The following COLEC12 variants were observed in gnomAD, a reference collection of about 807,000 sequenced individuals.
The protein encoded by COLEC12 is collectin subfamily member 12.
In COLEC12, 33 loss-of-function variants were observed where a neutral mutation model predicts 71.1. The observed-to-expected ratio is 0.46, with a 90% CI of 0.35 to 0.62. COLEC12 has a LOEUF of 0.62. Ranked by LOEUF, COLEC12 falls within the 20% of genes least tolerant of loss-of-function variation. COLEC12 has a pLI of 0.00. For missense variants in COLEC12, 765 were observed against 916.1 expected (o/e 0.84, Z 2.13); for synonymous variants, 350 against 353.0 (o/e 0.99, Z 0.10).
rs572087234 is a variant in COLEC12 at position 438,073 on chromosome 18, G to A, written c.58+42634C>T. On this transcript the variant is annotated intron_variant, in intron 2 of 9. Coordinates refer to ENST00000400256, the MANE Select transcript of COLEC12 (RefSeq NM_130386.3). Reference sequence around the variant, plus strand: ...TAACCTATAAAAAATTATAAAAGGAGTAAGATGACTATGTGCTAGGTTGTA... The same window carrying A: ...TAACCTATAAAAAATTATAAAAGGAATAAGATGACTATGTGCTAGGTTGTA... Among the ~76,000 whole-genome samples the A allele has an allele frequency of 5.3e-5, 8 of 152,288 alleles. No individual in the cohort carries two copies. The East Asian group carries it at 1.5e-3, about 29-fold the overall frequency.
chr18:426,031 G>T (rs1916192564), intron 2 of COLEC12, among the ~76,000 whole-genome samples: 1 of 152,158 alleles, frequency 6.6e-6, no homozygotes, highest in East Asian at 1.9e-4. Flanking sequence ...TTACAGCTAA[G>T]AAAACAGAGG....
intron 9 of COLEC12, 54 bp downstream of exon 9, chr18:321,608 C>G: frequency 1.2e-6 from 2 of 1,605,476 alleles, no homozygotes; most frequent in Non-Finnish European, 1.7e-6. Context: ...CACCCCTCAC[C>G]CTTTCATAGG....
intron 8 of COLEC12, among the ~76,000 whole-genome samples, chr18:323,413 A>G (rs1410603532): frequency 6.6e-6 from 1 of 152,222 alleles, no homozygotes; most frequent in Non-Finnish European, 1.5e-5. Context: ...TGAGCCAGGT[A>G]TCATCTGGGT....
chr18:346,480 T>C lies in COLEC12; in HGVS notation c.1142A>G (p.Asp381Gly). ...CAGGGTATTATTCAAGGAGGTCAGA[T>C]CATCTGTGTGTTTGGTAAGGGTATC... ...CTDTLTKHTD[D>G]LTSLNNTLAN... The change falls in exon 5 of 10, where the codon GAT becomes GGT. Residue 381 changes from aspartate to glycine, a missense_variant. Transcript: ENST00000400256. This position sits in a 1 kb window ranked among gnomAD's most constrained non-coding sequence, Gnocchi z 4.0. 6.2e-7 allele frequency: 1 copy of C among 1,614,182 alleles called. No individual in the cohort carries two copies. The highest frequency in any genetic ancestry group is 1.3e-5 in the African/African-American group (1 of 75,042).
At chr18:330,807 C>T (rs958780421) in intron 8 of COLEC12, among the ~76,000 whole-genome samples, 2 of 151,890 alleles carry the variant, frequency 1.3e-5, no homozygotes, top group Non-Finnish European at 2.9e-5. Flanking sequence ...GATGGTTATC[C>T]CGCAAATGCA....
intron 2 of COLEC12, among the ~76,000 whole-genome samples, chr18:389,427 C>T (rs1465607979): frequency 3.3e-5 from 5 of 151,722 alleles, no homozygotes; most frequent in African/African-American, 7.3e-5. Context: ...TACAGGCGCC[C>T]GCCACCATGC....
At chr18:355,426 A>G (rs923743698) in intron 3 of COLEC12, among the ~76,000 whole-genome samples, 4 of 152,218 alleles carry the variant, frequency 2.6e-5, no homozygotes, top group Non-Finnish European at 4.4e-5. Flanking sequence ...CACACGCACA[A>G]CACGCCAGAG....
chr18:483,490 C>T (rs987526301), intron 1 of COLEC12, among the ~76,000 whole-genome samples: 1 of 151,744 alleles, frequency 6.6e-6, no homozygotes, highest in Non-Finnish European at 1.5e-5. Context: ...ACCATTGTCT[C>T]CTTATTCTGC....
intron 2 of COLEC12, among the ~76,000 whole-genome samples, chr18:387,633 G>A (rs1415458972): frequency 1.3e-5 from 2 of 152,048 alleles, no homozygotes; most frequent in East Asian, 1.9e-4. Context: ...AGTCTCTCAC[G>A]GCAACATGGA....
chr18:353,522 C>T (rs918704801), intron 3 of COLEC12, among the ~76,000 whole-genome samples: 3 of 152,192 alleles, frequency 2.0e-5, no homozygotes, highest in Admixed American at 2.0e-4. Flanking sequence ...AATAAAGAAT[C>T]CCTTAAGGGG....
At chr18:331,911 C>T (rs536098460) in intron 7 of COLEC12, 134 bp from the exon 8 acceptor site, 112 of 630,728 alleles carry the variant, frequency 1.8e-4, no homozygotes, top group East Asian at 7.5e-4. Context: ...CCTGCTTTTG[C>T]TTTCTGCTTT....
intron 1 of COLEC12, among the ~76,000 whole-genome samples, chr18:488,342 C>T (rs1444921498): frequency 5.3e-5 from 8 of 151,820 alleles, no homozygotes; most frequent in African/African-American, 1.5e-4. Flanking sequence ...ACCCGGGAGG[C>T]GGAAGTTGCA....
intron 2 of COLEC12, among the ~76,000 whole-genome samples, chr18:389,190 C>T (rs190711224): frequency 4.6e-4 from 61 of 131,870 alleles, no homozygotes; most frequent in Non-Finnish European, 1.7e-5. Context: ...AAATAAATGT[C>T]CATTACACAC....
chr18:414,942 A>G (rs1182973935), intron 2 of COLEC12, among the ~76,000 whole-genome samples: 1 of 152,270 alleles, frequency 6.6e-6, no homozygotes, highest in East Asian at 1.9e-4. Context: ...GAAGGATTGC[A>G]GGAGTTATTT....
intron 2 of COLEC12, among the ~76,000 whole-genome samples, chr18:358,852 T>A (rs1914683503): frequency 6.6e-6 from 1 of 152,216 alleles, no homozygotes; most frequent in Non-Finnish European, 1.5e-5. Flanking sequence ...TGGTAAGTAT[T>A]TGTGTATCTA....
At chr18:439,798 T>TA (rs1916478787) in intron 2 of COLEC12, among the ~76,000 whole-genome samples, 1 of 152,056 alleles carries the variant, frequency 6.6e-6, no homozygotes, top group South Asian at 2.1e-4. Flanking sequence ...GCAAAAAAAG[T>TA]AAAAACAGAA....
intron 1 of COLEC12, among the ~76,000 whole-genome samples, chr18:499,547 G>C (rs1917778795): frequency 6.6e-6 from 1 of 152,208 alleles, no homozygotes; most frequent in Non-Finnish European, 1.5e-5. Flanking sequence ...GGGTGACCGC[G>C]GTCAGATGGC....
chr18:463,564 C>T (rs935009348), intron 2 of COLEC12, among the ~76,000 whole-genome samples: 1 of 152,128 alleles, frequency 6.6e-6, no homozygotes, highest in African/African-American at 2.4e-5. Flanking sequence ...GCTGGGAGTT[C>T]GCTGAGACTG....
In COLEC12 at chr18:500,604, GC is replaced by G; in HGVS notation, c.-91del. On this transcript the variant is annotated 5_prime_UTR_variant, in exon 1 of 10. It removes the in-frame stop codon of an upstream open reading frame in the 5' UTR. Transcript: ENST00000400256. The surrounding 1 kb of genome is among the most constrained non-coding windows in gnomAD (Gnocchi z 5.3). ...CGTCCCGAGCGGCTGCTCACCGCAC[GC>G]CCATGGTAGCCGCGCCGCGCGCCGG... 3 of 1,063,628 alleles carry G rather than the reference GC, an allele frequency of 2.8e-6. No individual in the cohort carries two copies. The highest frequency in any genetic ancestry group is 2.4e-6 in the Non-Finnish European group (2 of 846,648). 65.9% of individuals were successfully genotyped at this position (1,063,628 alleles called of 1,614,324 possible). A position where few individuals can be genotyped will look rare whatever the true frequency, so the allele number is the denominator to read the frequency against.
Sources: allele counts gnomAD v4.1 joint callset (sites outside exome capture counted in the v4.1 genomes callset), GRCh38; gene constraint gnomAD v4.1.1; non-coding constraint Gnocchi (gnomAD v3.1); transcripts MANE v1.5; gene names NCBI Gene and HGNC (gene_info 2026-07-23, HGNC 2026-07-21).